The following PTPRK variants were observed in gnomAD, a reference collection of about 807,000 sequenced individuals.
PTPRK encodes receptor-type tyrosine-protein phosphatase kappa.
A neutral mutation model predicts 178.0 loss-of-function variants in PTPRK; 75 were observed. The ratio of observed to expected loss-of-function variants is 0.42; its 90% confidence interval spans 0.35 to 0.51. The LOEUF (loss-of-function observed/expected upper bound fraction) is 0.51. Among genes scored for constraint, PTPRK ranks in the 20% least tolerant of loss-of-function variants. The pLI, the probability that PTPRK is intolerant of heterozygous loss-of-function variation, is 0.02. For missense variants in PTPRK, 1,441 were observed against 1,797.8 expected, an observed-to-expected ratio of 0.80 and a Z score of 3.59; for synonymous variants, 637 against 620.6, an observed-to-expected ratio of 1.03 and a Z score of -0.39.
chr6:128,250,889 C>T (rs538162270), intron 3 of PTPRK, among the ~76,000 whole-genome samples: 1 of 152,198 alleles, frequency 6.6e-6, no homozygotes, highest in Non-Finnish European at 1.5e-5. Context: ...CAGTTACTGT[C>T]ACTCACTGTA....
intron 2 of PTPRK, among the ~76,000 whole-genome samples, chr6:128,358,511 C>G (rs1834264019): frequency 1.3e-5 from 2 of 152,106 alleles, no homozygotes; most frequent in African/African-American, 4.8e-5. Context: ...AGACATGGTA[C>G]AATAAGAAGA....
chr6:128,354,231 G>GATTTTTTTTTTT (rs1562341681), intron 2 of PTPRK, among the ~76,000 whole-genome samples: 8 of 49,358 alleles, frequency 1.6e-4, no homozygotes, highest in African/African-American at 6.6e-4. Context: ...TTTTGTTTAT[G>GATTTTTTTTTTT]TTTTTTTTTT....
intron 3 of PTPRK, among the ~76,000 whole-genome samples, chr6:128,306,803 A>AC (rs1209907979): frequency 6.6e-6 from 1 of 152,018 alleles, no homozygotes; most frequent in Non-Finnish European, 1.5e-5. Context: ...GTCTCAAAAG[A>AC]AAAAAAATTA....
chr6:128,298,680 T>C (rs1824954266), intron 3 of PTPRK, among the ~76,000 whole-genome samples: 2 of 152,152 alleles, frequency 1.3e-5, no homozygotes. Flanking sequence ...CCCTTCATGC[T>C]AAAAACTCTC....
intron 1 of PTPRK, among the ~76,000 whole-genome samples, chr6:128,436,383 G>GAATATTC: frequency 6.6e-6 from 1 of 152,142 alleles, no homozygotes; most frequent in Non-Finnish European, 1.5e-5. Flanking sequence ...TGCGGAGGAG[G>GAATATTC]AATATTCAGA....
In PTPRK at chr6:128,360,157, G is replaced by A. The variant is rs143270347; in HGVS notation, c.223+37409C>T. ...CCCATGATCTTCTGAGAATGACAGC[G>A]CTTAAGAGATCATTTCATAAAATCA... On this transcript the variant is annotated intron_variant, in intron 2 of 29. Coordinates refer to ENST00000368226, the MANE Select transcript of PTPRK (RefSeq NM_002844.4). Among the ~76,000 whole-genome samples, 23 of 152,176 alleles carry A rather than the reference G, an allele frequency of 1.5e-4. No individual in the cohort carries two copies. In the East Asian group the frequency reaches 2.5e-3, roughly 17 times the overall value.
intron 5 of PTPRK, among the ~76,000 whole-genome samples, chr6:128,239,243 T>C (rs1813933530): frequency 6.6e-6 from 1 of 151,778 alleles, no homozygotes; most frequent in Admixed American, 6.6e-5. Flanking sequence ...ATAGAGGTGC[T>C]CAGAGAATAT....
chr6:127,998,601 T>C, intron 16 of PTPRK, 119 bp downstream of exon 16: 1 of 747,792 alleles, frequency 1.3e-6, no homozygotes, highest in Non-Finnish European at 2.0e-6. Flanking sequence ...AAACACTAGA[T>C]TAGAGAGCCT....
chr6:128,067,882 TTAACACACCACATTTCAA>T (rs1280307857), intron 11 of PTPRK, 90 bp from the exon 12 acceptor site: 41 of 1,175,662 alleles, frequency 3.5e-5, no homozygotes, highest in Non-Finnish European at 4.2e-5. Context: ...GGGTTGACTA[TTAACACACCACATTTCAA>T]AGTATTTAAA....
At chr6:128,040,763 T>C (rs900401250) in intron 13 of PTPRK, among the ~76,000 whole-genome samples, 1 of 152,210 alleles carries the variant, frequency 6.6e-6, no homozygotes, top group East Asian at 1.9e-4. Context: ...TGCAAGCACC[T>C]GAATTTCTAT....
chr6:127,998,247 C>T (rs981097784), intron 16 of PTPRK, among the ~76,000 whole-genome samples: 1 of 151,818 alleles, frequency 6.6e-6, no homozygotes, highest in Non-Finnish European at 1.5e-5. Flanking sequence ...ACCAATAATC[C>T]ATAAAATTAA....
intron 3 of PTPRK, among the ~76,000 whole-genome samples, chr6:128,248,146 T>C (rs1019605434): frequency 2.0e-5 from 3 of 152,186 alleles, no homozygotes; most frequent in Non-Finnish European, 4.4e-5. Flanking sequence ...GTAAAGCACA[T>C]GTATCTTTAT....
chr6:128,504,563 G>T (rs147845972), intron 1 of PTPRK, among the ~76,000 whole-genome samples: 2 of 152,282 alleles, frequency 1.3e-5, no homozygotes, highest in African/African-American at 4.8e-5. Flanking sequence ...CAATTAGCAG[G>T]CTTCAACTGG....
intron 6 of PTPRK, among the ~76,000 whole-genome samples, chr6:128,192,500 A>C (rs1002890342): frequency 6.6e-6 from 1 of 152,042 alleles, no homozygotes. Flanking sequence ...TGCCCCAAAG[A>C]AAAAAAGTTA....
intron 7 of PTPRK, among the ~76,000 whole-genome samples, chr6:128,130,519 C>T (rs1336879411): frequency 6.6e-6 from 1 of 152,014 alleles, no homozygotes; most frequent in Non-Finnish European, 1.5e-5. Context: ...TCTTTTGAAT[C>T]TGTACAGTCC....
chr6:128,306,032 T>A (rs1009266062), intron 3 of PTPRK, among the ~76,000 whole-genome samples: 1 of 152,172 alleles, frequency 6.6e-6, no homozygotes, highest in African/African-American at 2.4e-5. Flanking sequence ...TATAAAACCA[T>A]CAGATCTCCT....
chr6:128,017,171 C>T (rs1779680478), intron 13 of PTPRK, among the ~76,000 whole-genome samples: 1 of 151,936 alleles, frequency 6.6e-6, no homozygotes, highest in African/African-American at 2.4e-5. Flanking sequence ...TAAATTTGAA[C>T]AATTATGCTT....
intron 11 of PTPRK, among the ~76,000 whole-genome samples, chr6:128,070,373 A>AG (rs1011390658): frequency 1.3e-5 from 2 of 151,982 alleles, no homozygotes; most frequent in South Asian, 2.1e-4. Flanking sequence ...GTATTTGGAG[A>AG]GGGGGCCTTT....
intron 13 of PTPRK, among the ~76,000 whole-genome samples, chr6:128,030,724 G>A (rs11967205): frequency 0.11 from 16,564 of 152,144 alleles, 2,299 homozygotes; most frequent in African/African-American, 0.32. Flanking sequence ...TTGATTCTCT[G>A]TATAAAGCTT....
Sources: gnomAD v4.1 joint callset for allele counts (sites outside exome capture counted in the v4.1 genomes callset) on GRCh38, gnomAD v4.1.1 for gene constraint, MANE v1.5 for transcripts, NCBI Gene and HGNC (gene_info 2026-07-23, HGNC 2026-07-21) for gene names.